RGS6: variants seen among roughly 807,000 people sequenced by gnomAD.
RGS6 encodes the protein regulator of G-protein signaling 6.
RGS6 carries 30 observed loss-of-function variants against 78.5 expected under a neutral mutation model. The observed-to-expected ratio is 0.38, with a 90% CI of 0.29 to 0.52. RGS6 has a LOEUF of 0.52. Among genes scored for constraint, RGS6 ranks in the 20% least tolerant of loss-of-function variants. RGS6 has a pLI of 0.85. For missense variants in RGS6, 495 were observed against 609.7 expected, an observed-to-expected ratio of 0.81 and a Z score of 1.98; for synonymous variants, 206 against 206.0, an observed-to-expected ratio of 1.00 and a Z score of 0.00.
chr14:72,570,651 AT>A (rs1205771709), downstream of RGS6, among the ~76,000 whole-genome samples: 2 of 152,210 alleles, frequency 1.3e-5, no homozygotes, highest in Non-Finnish European at 2.9e-5. Flanking sequence ...TAGAAAAGTG[AT>A]AAAAGCTAAC....
chr14:72,186,686 C>T (rs2097252630), intron 2 of RGS6, among the ~76,000 whole-genome samples: 1 of 152,158 alleles, frequency 6.6e-6, no homozygotes, highest in African/African-American at 2.4e-5. Context: ...TTAGTACCGA[C>T]CTCTATTTAC....
At chr14:72,216,121 T>C (rs2045503499) in intron 2 of RGS6, among the ~76,000 whole-genome samples, 1 of 152,250 alleles carries the variant, frequency 6.6e-6, no homozygotes, top group Non-Finnish European at 1.5e-5. Flanking sequence ...AGTATATGTT[T>C]CACCTTATTC....
intron 2 of RGS6, among the ~76,000 whole-genome samples, chr14:72,322,436 A>C (rs1169727175): frequency 6.6e-6 from 1 of 152,052 alleles, no homozygotes; most frequent in Non-Finnish European, 1.5e-5. Flanking sequence ...ACCTCTTGAA[A>C]GAAAACACCA....
At chr14:72,303,855 G>A (rs537165127) in intron 2 of RGS6, among the ~76,000 whole-genome samples, 40 of 152,078 alleles carry the variant, frequency 2.6e-4, no homozygotes, top group Non-Finnish European at 4.1e-4. Flanking sequence ...CACCTATTAA[G>A]ATATCATTTC....
chr14:71,936,015 G>GAGATATATATATAT (rs751624395), intron 1 of RGS6, among the ~76,000 whole-genome samples: 27 of 63,774 alleles, frequency 4.2e-4, no homozygotes, highest in African/African-American at 1.1e-3. Context: ...GAACTAATAG[G>GAGATATATATATAT]ATATATATAT....
chr14:72,322,750 TATTA>T (rs1207075153), intron 2 of RGS6, among the ~76,000 whole-genome samples: 1 of 152,160 alleles, frequency 6.6e-6, no homozygotes, highest in Non-Finnish European at 1.5e-5. Context: ...TTCACAACTG[TATTA>T]ATTTAATTCA....
chr14:72,414,142 T>A (rs577498800), intron 3 of RGS6, among the ~76,000 whole-genome samples: 2 of 152,360 alleles, frequency 1.3e-5, no homozygotes, highest in Admixed American at 1.3e-4. Flanking sequence ...GAAGTTCTCC[T>A]GGATAATATC....
intron 2 of RGS6, among the ~76,000 whole-genome samples, chr14:72,256,877 A>G (rs925953365): frequency 1.4e-4 from 22 of 152,224 alleles, no homozygotes; most frequent in African/African-American, 5.3e-4. Flanking sequence ...GAATTCAACA[A>G]ATAACTACAG....
the RGS6 span, among the ~76,000 whole-genome samples, chr14:71,888,616 G>A: frequency 5.3e-5 from 8 of 151,900 alleles, no homozygotes; most frequent in Non-Finnish European, 8.8e-5. Flanking sequence ...GTCCATCAGT[G>A]GAAGAAGGGT....
intron 16 of RGS6, chr14:72,537,370 C>A: frequency 7.7e-6 from 5 of 649,032 alleles, no homozygotes; most frequent in Non-Finnish European, 1.4e-5. Flanking sequence ...GACCACACAA[C>A]TCCAGAGTCC....
At chr14:72,164,134 G>A (rs778715571) in intron 2 of RGS6, among the ~76,000 whole-genome samples, 6 of 152,142 alleles carry the variant, frequency 3.9e-5, no homozygotes, top group East Asian at 3.8e-4. Flanking sequence ...CCAGTCTGCC[G>A]TGCCTCACCC....
At chr14:71,948,442 G>A (rs2091854915) in intron 1 of RGS6, among the ~76,000 whole-genome samples, 2 of 152,120 alleles carry the variant, frequency 1.3e-5, no homozygotes, top group South Asian at 4.2e-4. Context: ...TATGTGAGAG[G>A]GCTGCAATGC....
intron 2 of RGS6, among the ~76,000 whole-genome samples, chr14:72,073,420 A>G (rs1173661613): frequency 6.6e-6 from 1 of 152,192 alleles, no homozygotes; most frequent in Admixed American, 6.5e-5. Flanking sequence ...ACTGAGAGAA[A>G]TCTAGGTTAT....
intron 2 of RGS6, among the ~76,000 whole-genome samples, chr14:72,187,119 G>T (rs2097258112): frequency 6.6e-6 from 1 of 152,214 alleles, no homozygotes; most frequent in African/African-American, 2.4e-5. Context: ...AGCCATTATT[G>T]TTGGTTATTC....
intron 2 of RGS6, among the ~76,000 whole-genome samples, chr14:72,203,208 A>T (rs2041972370): frequency 6.6e-6 from 1 of 152,120 alleles, no homozygotes; most frequent in Non-Finnish European, 1.5e-5. Flanking sequence ...TAGATTGTTA[A>T]TCCGTCACTT....
chr14:72,272,181 A>G (rs1466778661), intron 2 of RGS6, among the ~76,000 whole-genome samples: 2 of 152,068 alleles, frequency 1.3e-5, no homozygotes, highest in African/African-American at 4.8e-5. Flanking sequence ...GATTTTTTTG[A>G]TAAATCAGAT....
At chr14:72,114,360 C>T (rs993974199) in intron 2 of RGS6, among the ~76,000 whole-genome samples, 25 of 152,144 alleles carry the variant, frequency 1.6e-4, no homozygotes, top group African/African-American at 5.3e-4. Flanking sequence ...TGTCACTGCA[C>T]CTCTGAGCTC....
intron 2 of RGS6, among the ~76,000 whole-genome samples, chr14:72,137,228 C>A (rs140931860): frequency 2.6e-5 from 4 of 152,148 alleles, no homozygotes; most frequent in South Asian, 2.1e-4. Context: ...GTGCTGGGAG[C>A]CTTACATATA....
At chr14:72,139,223 A>G (rs889477987) in intron 2 of RGS6, among the ~76,000 whole-genome samples, 1 of 152,328 alleles carries the variant, frequency 6.6e-6, no homozygotes, top group Admixed American at 6.5e-5. Flanking sequence ...CATTGAGCAG[A>G]TAGTTCCTGT....
Sources: gnomAD v4.1 joint callset for allele counts (sites outside exome capture counted in the v4.1 genomes callset) on GRCh38, gnomAD v4.1.1 for gene constraint, MANE v1.5 for transcripts, NCBI Gene and HGNC (gene_info 2026-07-23, HGNC 2026-07-21) for gene names.